Variants in CCT4 observed in about 807,000 individuals in gnomAD.
CCT4 encodes chaperonin containing TCP1 subunit 4.
CCT4 carries 17 observed loss-of-function variants against 62.5 expected under a neutral mutation model. That is an observed-to-expected ratio of 0.27 (90% CI 0.19 to 0.41). The LOEUF is 0.41. Ranked by LOEUF, CCT4 falls within the 10% of genes least tolerant of loss-of-function variation. The pLI is 1.00. For synonymous variants in CCT4, 250 were observed against 229.9 expected, an observed-to-expected ratio of 1.09 and a Z score of -0.79; for missense variants, 592 against 659.2, an observed-to-expected ratio of 0.90 and a Z score of 1.12.
At chr2:61,879,378 C>A (rs1304131714) in intron 4 of CCT4, among the ~76,000 whole-genome samples, 1 of 150,032 alleles carries the variant, frequency 6.7e-6, no homozygotes, top group Non-Finnish European at 1.5e-5. Flanking sequence ...CCTCCCACCT[C>A]AGCCTCCTGA....
At chr2:61,886,524 C>T (rs975730347) in intron 1 of CCT4, among the ~76,000 whole-genome samples, 9 of 151,948 alleles carry the variant, frequency 5.9e-5, no homozygotes, top group Non-Finnish European at 1.2e-4. Flanking sequence ...GGTGCGGTGG[C>T]TCACGCCTGT....
At chr2:61,874,658 ATTCTT>A (rs1412466667) in intron 8 of CCT4, among the ~76,000 whole-genome samples, 1 of 152,136 alleles carries the variant, frequency 6.6e-6, no homozygotes, top group East Asian at 1.9e-4. Context: ...ACTTCAGAGA[ATTCTT>A]TTCATCTATG....
At chr2:61,881,026 C>CA (rs1252035090) in intron 3 of CCT4, among the ~76,000 whole-genome samples, 2 of 152,026 alleles carry the variant, frequency 1.3e-5, no homozygotes, top group Non-Finnish European at 2.9e-5. Flanking sequence ...TTCCCAGCCT[C>CA]AGAGTATCAA....
At chr2:61,873,973 T>C (rs1164145801) in intron 8 of CCT4, among the ~76,000 whole-genome samples, 1 of 152,176 alleles carries the variant, frequency 6.6e-6, no homozygotes, top group East Asian at 1.9e-4. Flanking sequence ...GTGCTGGGAT[T>C]ACAGGCATGA....
intron 13 of CCT4, among the ~76,000 whole-genome samples, chr2:61,869,143 GAAAAAAAA>G (rs33947847): frequency 1.8e-4 from 13 of 70,722 alleles, no homozygotes; most frequent in Non-Finnish European, 2.8e-4. Flanking sequence ...CTTCGTCTCA[GAAAAAAAA>G]AAAAAAAAAA....
intron 8 of CCT4, among the ~76,000 whole-genome samples, chr2:61,875,582 CAAAAAAA>C: frequency 9.1e-6 from 1 of 110,422 alleles, no homozygotes; most frequent in East Asian, 2.8e-4. Flanking sequence ...GACTCTGTCT[CAAAAAAA>C]AAAAAAAAAA....
rs890340702 is a variant in CCT4, at chr2:61,869,681, TA to T, written c.1492-129del. The stretch of plus-strand genomic sequence containing the variant: ...TCTGTCTAAGAAGATTAGAATATGA[TA>T]CTCTACTAAGCTTTTCTCTACACTG... On this transcript the variant is annotated intron_variant, in intron 12 of 13. Coordinates refer to ENST00000394440, the MANE Select transcript of CCT4 (RefSeq NM_006430.4). 121 of 636,518 alleles carry T rather than the reference TA, an allele frequency of 1.9e-4. No homozygotes were observed. The African/African-American group carries it at 1.9e-3, about 10-fold the overall frequency. 39.4% of individuals were successfully genotyped at this position (636,518 alleles called of 1,614,324 possible). A position where few individuals can be genotyped will look rare whatever the true frequency, so the allele number is the denominator to read the frequency against.
Position 61,873,221 on chromosome 2 carries a change from T to C in CCT4, c.990A>G (p.Arg330=), listed in dbSNP as rs142340764. Residue 330 remains arginine, a synonymous_variant, in exon 9 of 14, where the codon AGA becomes AGG. Transcript: ENST00000394440. ...CCTTACAAATGAATTCAATGTCTTC[T>C]CTTTCAATATCCTTAATCACCATGA... ...MKIMVIKDIE[R]EDIEFICKTI... 564 of 1,512,532 alleles carry C rather than the reference T, an allele frequency of 3.7e-4. No individual in the cohort carries two copies. The highest frequency in any genetic ancestry group is 5.1e-4 in the Non-Finnish European group (553 of 1,087,996). The allele number at this position is 1,512,532 out of a possible 1,614,324, so 93.7% of individuals were successfully genotyped here.
chr2:61,878,394 C>T (rs910001429), intron 5 of CCT4, among the ~76,000 whole-genome samples: 4 of 152,088 alleles, frequency 2.6e-5, no homozygotes, highest in Non-Finnish European at 4.4e-5. Context: ...TTTCTGTTAG[C>T]GGTCCTTGGA....
intron 3 of CCT4, among the ~76,000 whole-genome samples, chr2:61,882,105 G>A (rs756866687): frequency 2.6e-5 from 4 of 151,884 alleles, no homozygotes; most frequent in Non-Finnish European, 5.9e-5. Flanking sequence ...GCTGATTTTT[G>A]TATTTTTAGT....
intron 8 of CCT4, among the ~76,000 whole-genome samples, chr2:61,873,670 A>G (rs1668933615): frequency 6.6e-6 from 1 of 151,940 alleles, no homozygotes; most frequent in African/African-American, 2.4e-5. Flanking sequence ...GGTTCAAGCG[A>G]TTCTCCTGCC....
intron 12 of CCT4, among the ~76,000 whole-genome samples, chr2:61,871,421 A>C (rs760454425): frequency 6.6e-6 from 1 of 152,154 alleles, no homozygotes; most frequent in Admixed American, 6.5e-5. Flanking sequence ...ACACAGGTGA[A>C]GAACTGCTTG....
chr2:61,887,320 G>A (rs986176913), intron 1 of CCT4, among the ~76,000 whole-genome samples: 3 of 152,144 alleles, frequency 2.0e-5, no homozygotes, highest in Non-Finnish European at 4.4e-5. Context: ...ACACATGTAA[G>A]GTGTACTTTA....
chr2:61,875,286 T>C (rs750709406), intron 8 of CCT4, among the ~76,000 whole-genome samples: 1 of 149,522 alleles, frequency 6.7e-6, no homozygotes, highest in East Asian at 2.0e-4. Context: ...TCTATAAAAA[T>C]TGCTCTTAGA....
chr2:61,879,256 CTTTTTTTTTTT>C (rs35373962), intron 4 of CCT4, among the ~76,000 whole-genome samples: 2 of 101,078 alleles, frequency 2.0e-5, no homozygotes, highest in Admixed American at 1.4e-4. Flanking sequence ...AAATTTTATA[CTTTTTTTTTTT>C]TTTTTTTTTT....
Position 61,873,298 on chromosome 2 carries a change from A to G in CCT4, c.918-5T>C, listed in dbSNP as rs934078983. The G allele has an allele frequency of 4.7e-6, 7 of 1,491,178 alleles. No individual in the cohort carries two copies. In the African/African-American group the frequency reaches 9.7e-5, roughly 21 times the overall value. 92.4% of individuals were successfully genotyped at this position (1,491,178 alleles called of 1,614,324 possible). A position where few individuals can be genotyped will look rare whatever the true frequency, so the allele number is the denominator to read the frequency against. On this transcript the variant is annotated splice_region_variant and splice_polypyrimidine_tract_variant and intron_variant, in intron 8 of 13. Coordinates refer to ENST00000394440, the MANE Select transcript of CCT4 (RefSeq NM_006430.4). ...GCAAGATCACTAAGAGCATCTCTAAAATACAAAATCAGTGATTATGTCAAT... is the reference window on the plus strand; with the variant it reads ...GCAAGATCACTAAGAGCATCTCTAAGATACAAAATCAGTGATTATGTCAAT...
chr2:61,888,001 C>T (rs1669298584), intron 1 of CCT4: 1 of 177,226 alleles, frequency 5.6e-6, no homozygotes, highest in Non-Finnish European at 1.2e-5. Flanking sequence ...AATAACAAAG[C>T]TGAAAGATAC....
chr2:61,876,243 A>G lies in CCT4; in HGVS notation c.778-9T>C. On this transcript the variant is annotated splice_polypyrimidine_tract_variant and intron_variant, in intron 7 of 13. Coordinates refer to ENST00000394440, the MANE Select transcript of CCT4 (RefSeq NM_006430.4). ...ACTATTTGATTATCCATCTGTTCAG[A>G]AAAAGAACATCATAATTTGCATTGT... is the stretch of plus-strand genomic sequence containing the variant. The G allele has an allele frequency of 6.4e-7, 1 of 1,572,356 alleles. No individual in the cohort carries two copies. Among genetic ancestry groups the G allele is most frequent in the Admixed American group, 1.9e-5 (1 of 52,116 alleles).
At chr2:61,872,776 A>C (rs888278190) in intron 10 of CCT4, among the ~76,000 whole-genome samples, 188 bp from the exon 11 acceptor site, 2 of 152,148 alleles carry the variant, frequency 1.3e-5, no homozygotes, top group African/African-American at 4.8e-5. Context: ...AAATACAAAA[A>C]ATTAGCAGGG....
Sources: allele counts gnomAD v4.1 joint callset (sites outside exome capture counted in the v4.1 genomes callset), GRCh38; gene constraint gnomAD v4.1.1; transcripts MANE v1.5; gene names NCBI Gene and HGNC (gene_info 2026-07-23, HGNC 2026-07-21).